Variants in CFAP36 observed in about 807,000 individuals in gnomAD.
CFAP36 encodes cilia- and flagella-associated protein 36.
In CFAP36, 37 loss-of-function variants were observed where a neutral mutation model predicts 50.5. The observed-to-expected ratio is 0.73, with a 90% CI of 0.56 to 0.96. The LOEUF (loss-of-function observed/expected upper bound fraction) is 0.96, where lower values mean the gene tolerates loss of function less well. Ranked by LOEUF, CFAP36 falls within the 50% of genes least tolerant of loss-of-function variation. The pLI is 0.00. For synonymous variants in CFAP36, 138 were observed against 128.2 expected (o/e 1.08, Z -0.52); for missense variants, 407 against 396.2 (o/e 1.03, Z -0.23).
Position 55,521,623 on chromosome 2 carries a change from A to G in CFAP36, c.116-479A>G, listed in dbSNP as rs201472521. 5.0e-3 allele frequency among the ~76,000 whole-genome samples: 590 copies of G among 117,776 alleles called. 3 individuals are homozygous for G. The highest frequency in any genetic ancestry group is 0.016 in the Middle Eastern group (4 of 244). 77.3% of individuals were successfully genotyped at this position (117,776 alleles called of 152,430 possible). ...TGTGTGTGTGTGTGTGTGTGTGTGT[A>G]TATTTTTTTTTCTTTTTTTTTTTTG... On this transcript the variant is annotated intron_variant, in intron 1 of 9. Transcript: ENST00000349456.
At chr2:55,540,654 G>T (rs1486493431) in intron 7 of CFAP36, among the ~76,000 whole-genome samples, 3 of 152,164 alleles carry the variant, frequency 2.0e-5, no homozygotes, top group African/African-American at 7.2e-5. Flanking sequence ...GATTGATATT[G>T]TATTGAATCT....
At chr2:55,534,457 T>C (rs555085202) in intron 5 of CFAP36, among the ~76,000 whole-genome samples, 39 of 152,312 alleles carry the variant, frequency 2.6e-4, no homozygotes, top group African/African-American at 7.7e-4. Context: ...CCGGTCTCCT[T>C]GTTTCCCCAG....
chr2:55,530,305 G>A (rs555704636), intron 4 of CFAP36, among the ~76,000 whole-genome samples: 1 of 152,224 alleles, frequency 6.6e-6, no homozygotes, highest in South Asian at 2.1e-4. Flanking sequence ...CCCCAGCCAT[G>A]TGGAAATGTA....
At position 55,519,758 on chromosome 2, in the gene CFAP36, G is replaced by A; in HGVS notation, c.-44G>A. 6.2e-7 allele frequency: 1 copy of A among 1,600,358 alleles called. No individual in the cohort carries two copies. The highest frequency in any genetic ancestry group is 8.6e-7 in the Non-Finnish European group (1 of 1,167,954). On this transcript the variant is annotated 5_prime_UTR_variant, in exon 1 of 10. Transcript: ENST00000349456. ...GGCCCAAAGGCCTAACCGGGGTCCG[G>A]CGGTCTGGCCTAGGGATCTTCCCCG...
At chr2:55,530,001 T>C (rs917551926) in intron 4 of CFAP36, among the ~76,000 whole-genome samples, 7 of 152,168 alleles carry the variant, frequency 4.6e-5, no homozygotes, top group African/African-American at 7.2e-5. Flanking sequence ...CAGTTTCTGA[T>C]TTAATAGGTC....
At chr2:55,523,620 C>T (rs1296114132) in intron 2 of CFAP36, 101 bp from the exon 3 acceptor site, 6 of 663,442 alleles carry the variant, frequency 9.0e-6, no homozygotes, top group African/African-American at 5.5e-5. Flanking sequence ...TTAATATTTG[C>T]AAAAAATTCG....
chr2:55,526,564 C>T (rs551947769), intron 3 of CFAP36, among the ~76,000 whole-genome samples: 2 of 152,306 alleles, frequency 1.3e-5, no homozygotes, highest in African/African-American at 4.8e-5. Flanking sequence ...GCCTCAGCCT[C>T]CTGAGTAGCT....
At chr2:55,527,398 C>T (rs1053087005) in intron 3 of CFAP36, among the ~76,000 whole-genome samples, 16 of 151,904 alleles carry the variant, frequency 1.1e-4, no homozygotes, top group Non-Finnish European at 2.4e-4. Flanking sequence ...GCCTGGCCAA[C>T]GTGGTGAAAC....
chr2:55,521,201 CTT>C (rs11315249), intron 1 of CFAP36, among the ~76,000 whole-genome samples: 72 of 134,116 alleles, frequency 5.4e-4, no homozygotes, highest in Admixed American at 8.2e-4. Context: ...ATTTGTACTC[CTT>C]TTTTTTTTTT....
Position 55,519,735 on chromosome 2 carries a change from C to A in CFAP36, c.-67C>A. On this transcript the variant is annotated 5_prime_UTR_variant, in exon 1 of 10. Transcript: ENST00000349456. Reference sequence around the variant, plus strand: ...CCTACTCCCTCTCGGCTCCTTGTGGCCCAAAGGCCTAACCGGGGTCCGGCG... The same window carrying A: ...CCTACTCCCTCTCGGCTCCTTGTGGACCAAAGGCCTAACCGGGGTCCGGCG... 1 of 1,525,650 alleles carries A rather than the reference C, an allele frequency of 6.6e-7. No homozygotes were observed. Among genetic ancestry groups the A allele is most frequent in the South Asian group, 1.1e-5 (1 of 88,910 alleles). 94.5% of individuals were successfully genotyped at this position (1,525,650 alleles called of 1,614,324 possible).
intron 1 of CFAP36, among the ~76,000 whole-genome samples, chr2:55,520,754 A>C (rs1684041915): frequency 6.6e-6 from 1 of 152,206 alleles, no homozygotes; most frequent in Non-Finnish European, 1.5e-5. Flanking sequence ...GGGTAGTAGT[A>C]TTCATCAATT....
chr2:55,537,924 G>A (rs1684535326), intron 7 of CFAP36, among the ~76,000 whole-genome samples: 1 of 152,198 alleles, frequency 6.6e-6, no homozygotes, highest in Admixed American at 6.5e-5. Flanking sequence ...CAGTTGTATG[G>A]TATTTGTTAG....
At chr2:55,526,997 C>T (rs1013010533) in intron 3 of CFAP36, among the ~76,000 whole-genome samples, 4 of 151,786 alleles carry the variant, frequency 2.6e-5, no homozygotes, top group South Asian at 2.1e-4. Flanking sequence ...CACTGTATTC[C>T]AGCCTGGGCT....
rs1037101557 is a variant in CFAP36 at position 55,535,999 on chromosome 2, T to G, written c.537+236T>G. ...AACTGTATATAGTACAAACACCACA[T>G]AGTACTAATTAATCTTACAGGACAT... is the stretch of plus-strand genomic sequence containing the variant. On this transcript the variant is annotated intron_variant, in intron 6 of 9. Coordinates refer to ENST00000349456, the MANE Select transcript of CFAP36 (RefSeq NM_080667.7). 5 of 711,688 alleles carry G rather than the reference T, an allele frequency of 7.0e-6. No homozygotes were observed. In the African/African-American group the frequency reaches 7.4e-5, roughly 10 times the overall value. The allele number at this position is 711,688 out of a possible 1,614,324, so 44.1% of individuals were successfully genotyped here.
intron 4 of CFAP36, among the ~76,000 whole-genome samples, chr2:55,533,151 A>G (rs891610298): frequency 2.0e-5 from 3 of 152,310 alleles, no homozygotes; most frequent in East Asian, 1.9e-4. Flanking sequence ...TAGCAAAATT[A>G]TATTTTGTTT....
intron 2 of CFAP36, among the ~76,000 whole-genome samples, chr2:55,522,373 G>C (rs989061976): frequency 2.6e-5 from 4 of 152,114 alleles, no homozygotes; most frequent in Non-Finnish European, 4.4e-5. Flanking sequence ...CTAAGGAATG[G>C]TTTTACAACT....
intron 1 of CFAP36, among the ~76,000 whole-genome samples, chr2:55,521,277 C>T (rs1258891662): frequency 1.3e-5 from 2 of 148,148 alleles, no homozygotes; most frequent in Non-Finnish European, 3.0e-5. Flanking sequence ...GATCTTGGCT[C>T]ACTGCATTGT....
intron 3 of CFAP36, among the ~76,000 whole-genome samples, chr2:55,527,409 C>T (rs900635462): frequency 1.3e-5 from 2 of 151,694 alleles, no homozygotes; most frequent in Admixed American, 1.3e-4. Flanking sequence ...GTGGTGAAAC[C>T]CGTCTCTACT....
Position 55,544,274 on chromosome 2 carries a change from C to A in CFAP36, c.832C>A (p.Gln278Lys). 6.2e-7 allele frequency: 1 copy of A among 1,613,712 alleles called. No individual in the cohort carries two copies. The highest frequency in any genetic ancestry group is 2.2e-5 in the East Asian group (1 of 44,828). ...TCGGCAACGAGAACACTATCTCAAG[C>A]AGAAGAGAGATAAGTTGATGTCCAT... ...ELRQREHYLK[Q>K]KRDKLMSMRK... Residue 278 changes from glutamine to lysine, a missense_variant, in exon 9 of 10, where the codon CAG becomes AAG. By Grantham distance (53) the Gln-to-Lys change is moderately conservative (BLOSUM62 1). Coordinates refer to ENST00000349456, the MANE Select transcript of CFAP36 (RefSeq NM_080667.7).
Sources: gnomAD v4.1 joint callset for allele counts (sites outside exome capture counted in the v4.1 genomes callset) on GRCh38, gnomAD v4.1.1 for gene constraint, MANE v1.5 for transcripts, NCBI Gene and HGNC (gene_info 2026-07-23, HGNC 2026-07-21) for gene names.